Variants in NELL1 observed in about 807,000 individuals in gnomAD.
NELL1 encodes the protein neural EGFL like 1.
A neutral mutation model predicts 107.4 loss-of-function variants in NELL1; 76 were observed. The observed-to-expected ratio is 0.71, with a 90% confidence interval of 0.59 to 0.86. NELL1 has a LOEUF of 0.86. Among genes scored for constraint, NELL1 ranks in the 40% least tolerant of loss-of-function variants. The pLI, the probability that NELL1 is intolerant of heterozygous loss-of-function variation, is 0.00. For missense variants in NELL1, 1,024 were observed against 1,005.5 expected (o/e 1.02, Z -0.25); for synonymous variants, 353 against 341.2 (o/e 1.03, Z -0.38).
chr11:20,715,303 GTTTTTTT>G (rs71748513), intron 2 of NELL1, among the ~76,000 whole-genome samples: 4 of 145,090 alleles, frequency 2.8e-5, no homozygotes, highest in Non-Finnish European at 4.5e-5. Flanking sequence ...CTGGGTTTTT[GTTTTTTT>G]TTTTTTTTAA....
chr11:21,080,392 G>T (rs776155820), intron 12 of NELL1, among the ~76,000 whole-genome samples: 1 of 151,936 alleles, frequency 6.6e-6, no homozygotes, highest in African/African-American at 2.4e-5. Flanking sequence ...AAATATGTAC[G>T]TATAGATTTA....
At chr11:20,792,274 T>C (rs530830082) in intron 3 of NELL1, among the ~76,000 whole-genome samples, 12 of 152,190 alleles carry the variant, frequency 7.9e-5, no homozygotes, top group African/African-American at 2.9e-4. Context: ...ATTTTTCCTT[T>C]CTTCAATTTC....
intron 16 of NELL1, among the ~76,000 whole-genome samples, chr11:21,556,094 G>C (rs1856698401): frequency 6.6e-6 from 1 of 151,786 alleles, no homozygotes; most frequent in East Asian, 1.9e-4. Context: ...TTTTCTCTCT[G>C]CCACTGTAAA....
At chr11:21,465,770 T>C (rs1252615831) in intron 15 of NELL1, among the ~76,000 whole-genome samples, 1 of 152,110 alleles carries the variant, frequency 6.6e-6, no homozygotes, top group Non-Finnish European at 1.5e-5. Flanking sequence ...TTGTTATCAC[T>C]GCTATTGTTC....
chr11:21,435,610 C>G (rs747741911), intron 15 of NELL1, among the ~76,000 whole-genome samples: 50 of 151,164 alleles, frequency 3.3e-4, no homozygotes, highest in Non-Finnish European at 6.8e-4. Context: ...TGATGTTCTT[C>G]ATTCTGTTGA....
chr11:20,880,125 T>C (rs1462545593), intron 4 of NELL1, among the ~76,000 whole-genome samples: 1 of 152,226 alleles, frequency 6.6e-6, no homozygotes, highest in Non-Finnish European at 1.5e-5. Flanking sequence ...ATGGCAAAAA[T>C]AGACAATGAG....
At chr11:21,216,427 T>A (rs978894282) in intron 13 of NELL1, among the ~76,000 whole-genome samples, 1 of 152,108 alleles carries the variant, frequency 6.6e-6, no homozygotes, top group Non-Finnish European at 1.5e-5. Context: ...GAATGGTAGA[T>A]CCACTGACAG....
chr11:21,239,538 T>C (rs769181311), intron 14 of NELL1, among the ~76,000 whole-genome samples: 1 of 152,066 alleles, frequency 6.6e-6, no homozygotes, highest in African/African-American at 2.4e-5. Flanking sequence ...TATTCTAATA[T>C]GTAGCCTGAA....
chr11:21,242,005 A>C (rs2133899455), intron 14 of NELL1, among the ~76,000 whole-genome samples: 1 of 151,936 alleles, frequency 6.6e-6, no homozygotes, highest in Non-Finnish European at 1.5e-5. Context: ...AACCAGTCAA[A>C]TGACCTATTG....
intron 14 of NELL1, among the ~76,000 whole-genome samples, chr11:21,234,801 G>A (rs1858159221): frequency 6.6e-6 from 1 of 152,184 alleles, no homozygotes; most frequent in African/African-American, 2.4e-5. Flanking sequence ...GACAGAAAGA[G>A]TAATGTGACA....
intron 2 of NELL1, among the ~76,000 whole-genome samples, chr11:20,721,731 T>C (rs367603114): frequency 5.3e-5 from 8 of 152,266 alleles, no homozygotes; most frequent in African/African-American, 1.9e-4. Flanking sequence ...TTCGGGGAGA[T>C]AGTAGACAGA....
intron 13 of NELL1, among the ~76,000 whole-genome samples, chr11:21,219,477 T>C (rs1311663595): frequency 6.6e-6 from 1 of 152,214 alleles, no homozygotes; most frequent in Non-Finnish European, 1.5e-5. Flanking sequence ...AGCACTTTAG[T>C]TTAATATAAT....
chr11:20,788,994 C>A (rs1857023106), intron 3 of NELL1, among the ~76,000 whole-genome samples: 1 of 152,138 alleles, frequency 6.6e-6, no homozygotes, highest in Non-Finnish European at 1.5e-5. Context: ...TTGAAGACTG[C>A]TTTTCTTCCA....
intron 2 of NELL1, among the ~76,000 whole-genome samples, chr11:20,685,528 C>T (rs541920924): frequency 3.1e-4 from 47 of 152,138 alleles, no homozygotes; most frequent in African/African-American, 1.1e-3. Context: ...ATGATAGCAA[C>T]TATCAAGCTA....
chr11:21,248,221 T>C (rs544597751), intron 14 of NELL1, among the ~76,000 whole-genome samples: 3 of 151,958 alleles, frequency 2.0e-5, no homozygotes, highest in South Asian at 2.1e-4. Context: ...GGCACGCACC[T>C]TGTGGTCCCA....
At chr11:21,158,454 C>T (rs888274212) in intron 13 of NELL1, among the ~76,000 whole-genome samples, 29 of 152,136 alleles carry the variant, frequency 1.9e-4, no homozygotes, top group African/African-American at 7.0e-4. Flanking sequence ...TAAAATGGTA[C>T]CTTGCTATTG....
intron 14 of NELL1, among the ~76,000 whole-genome samples, chr11:21,342,522 T>C (rs1427016672): frequency 6.7e-6 from 1 of 150,320 alleles, no homozygotes; most frequent in African/African-American, 2.5e-5. Flanking sequence ...CATGTGCCTG[T>C]AGTTACAGCT....
At chr11:21,194,135 T>C (rs1354312608) in intron 13 of NELL1, among the ~76,000 whole-genome samples, 1 of 151,776 alleles carries the variant, frequency 6.6e-6, no homozygotes, top group African/African-American at 2.4e-5. Flanking sequence ...GACTCATGGA[T>C]TCTCATAATA....
intron 14 of NELL1, among the ~76,000 whole-genome samples, chr11:21,299,395 C>T (rs905213352): frequency 6.6e-6 from 1 of 151,868 alleles, no homozygotes; most frequent in African/African-American, 2.4e-5. Flanking sequence ...CCTGGAACAC[C>T]TTCAATCACC....
Sources: allele counts gnomAD v4.1 joint callset (sites outside exome capture counted in the v4.1 genomes callset), GRCh38; gene constraint gnomAD v4.1.1; transcripts MANE v1.5; gene names NCBI Gene and HGNC (gene_info 2026-07-23, HGNC 2026-07-21).